TOX: variants seen among roughly 807,000 people sequenced by gnomAD.
TOX encodes the protein thymocyte selection associated high mobility group box.
TOX carries 11 observed loss-of-function variants against 53.7 expected under a neutral mutation model. That is an observed-to-expected ratio of 0.20 (90% confidence interval 0.13 to 0.34). TOX has a LOEUF of 0.34. Ranked by LOEUF, TOX falls within the 10% of genes least tolerant of loss-of-function variation. The pLI, the probability that TOX is intolerant of heterozygous loss-of-function variation, is 1.00. For missense variants in TOX, 570 were observed against 664.6 expected (o/e 0.86, Z 1.56); for synonymous variants, 225 against 245.3 (o/e 0.92, Z 0.77).
At position 58,896,674 on chromosome 8, in the gene TOX, A is replaced by AAAAATAAAATAAAAT. The variant is rs141360838; in HGVS notation, c.411+42613_411+42627dup. Among the ~76,000 whole-genome samples, 469 of 149,464 alleles carry AAAAATAAAATAAAAT rather than the reference A, an allele frequency of 3.1e-3. 1 individual carries two copies. Among genetic ancestry groups the AAAAATAAAATAAAAT allele is most frequent in the Non-Finnish European group, 5.0e-3 (336 of 67,392 alleles). On this transcript the variant is annotated intron_variant, in intron 3 of 8. Transcript: ENST00000361421. ...TGGTGACAGAGCGAGAATCCATCTC[A>AAAAATAAAATAAAAT]AAAATAAAATAAAATAAAATAAAAT...
chr8:58,812,083 G>C (rs1231130867), intron 7 of TOX, among the ~76,000 whole-genome samples: 1 of 152,128 alleles, frequency 6.6e-6, no homozygotes, highest in Non-Finnish European at 1.5e-5. Context: ...AACATCTTCA[G>C]CATAAAGGTG....
chr8:59,041,976 C>T (rs909577899), intron 1 of TOX, among the ~76,000 whole-genome samples: 14 of 152,100 alleles, frequency 9.2e-5, no homozygotes, highest in African/African-American at 3.1e-4. Flanking sequence ...CCATAGAATT[C>T]CTTAAAATAT....
At position 58,965,894 on chromosome 8, in the gene TOX, GTTTTTT is replaced by G. The variant is rs67045037; in HGVS notation, c.103-5892_103-5887del. ...GCCCAGTATAAGATTACGAGTCATCGTTTTTTTTTTTTTTTTTTTTTTTTTTTTTTT... is the reference window on the plus strand; with the variant it reads ...GCCCAGTATAAGATTACGAGTCATCGTTTTTTTTTTTTTTTTTTTTTTTTT... On this transcript the variant is annotated intron_variant, in intron 1 of 8. Coordinates refer to ENST00000361421, the MANE Select transcript of TOX (RefSeq NM_014729.3). Among the ~76,000 whole-genome samples the G allele has an allele frequency of 4.0e-3, 198 of 49,572 alleles. 1 individual carries two copies. In the East Asian group the frequency reaches 0.09, roughly 23 times the overall value. The allele number at this position is 49,572 out of a possible 152,430, so 32.5% of individuals were successfully genotyped here.
chr8:58,934,421 G>T (rs1287429571), intron 3 of TOX, among the ~76,000 whole-genome samples: 1 of 152,112 alleles, frequency 6.6e-6, no homozygotes, highest in African/African-American at 2.4e-5. Flanking sequence ...TCAGAAAGAG[G>T]TTCCCATTGA....
rs1168521980 is a variant in TOX at position 58,808,109 on chromosome 8, GC to G, written c.1544+8del. ...GTCCACCACCAGGTGGCGATGACCGGCCGCTTACCCACTACTGCAGTAGTCG... is the reference window on the plus strand; with the variant it reads ...GTCCACCACCAGGTGGCGATGACCGGCGCTTACCCACTACTGCAGTAGTCG... On this transcript the variant is annotated splice_region_variant and intron_variant, in intron 8 of 8. Transcript: ENST00000361421. The G allele has an allele frequency of 6.2e-7, 1 of 1,605,774 alleles. No homozygotes were observed. The highest frequency in any genetic ancestry group is 1.7e-5 in the Admixed American group (1 of 58,556).
chr8:58,991,045 A>T (rs1019128070), intron 1 of TOX, among the ~76,000 whole-genome samples: 9 of 152,144 alleles, frequency 5.9e-5, no homozygotes, highest in African/African-American at 2.2e-4. Flanking sequence ...AGAATAATAT[A>T]TTTTACAGAT....
In TOX at chr8:58,851,465, G is replaced by C; in HGVS notation, c.693+59C>G. The C allele has an allele frequency of 6.3e-7, 1 of 1,578,910 alleles. No individual in the cohort carries two copies. Among genetic ancestry groups the C allele is most frequent in the African/African-American group, 1.3e-5 (1 of 74,218 alleles). ...ATGATATAAACTTGTACCCAGCACA[G>C]GTCAAAGAAGGTGCCTAAGAATAGT... is the stretch of plus-strand genomic sequence containing the variant. On this transcript the variant is annotated intron_variant, in intron 4 of 8. Coordinates refer to ENST00000361421, the MANE Select transcript of TOX (RefSeq NM_014729.3). The surrounding 1 kb of genome is among the most constrained non-coding windows in gnomAD (Gnocchi z 4.4).
At chr8:59,049,275 C>T (rs1803745602) in intron 1 of TOX, among the ~76,000 whole-genome samples, 2 of 152,156 alleles carry the variant, frequency 1.3e-5, no homozygotes, top group Non-Finnish European at 2.9e-5. Flanking sequence ...CACTTGGCAA[C>T]TATGTGGTCA....
intron 3 of TOX, among the ~76,000 whole-genome samples, chr8:58,920,749 G>GAAGA (rs1563389440): frequency 2.7e-5 from 3 of 110,868 alleles, no homozygotes; most frequent in Non-Finnish European, 5.5e-5. Flanking sequence ...AAAAAAAGAA[G>GAAGA]AAAAAAAAAA....
chr8:59,104,112 G>A lies in TOX; in HGVS notation c.102+14774C>T, dbSNP rs562205053. Among the ~76,000 whole-genome samples, 20 of 152,146 alleles carry A rather than the reference G, an allele frequency of 1.3e-4. No homozygotes were observed. The South Asian group carries it at 4.0e-3, about 30-fold the overall frequency. ...GTCATTCATTTCAACATGTGAGTCC[G>A]CCCAGGGAAGTCCTCTCTGGCACAT... On this transcript the variant is annotated intron_variant, in intron 1 of 8. Transcript: ENST00000361421.
At chr8:58,999,355 A>T (rs1813646828) in intron 1 of TOX, among the ~76,000 whole-genome samples, 1 of 152,072 alleles carries the variant, frequency 6.6e-6, no homozygotes, top group African/African-American at 2.4e-5. Context: ...TTAAAGCACT[A>T]TGACCTGAAA....
chr8:58,873,103 C>A (rs1811224955), intron 3 of TOX, among the ~76,000 whole-genome samples: 1 of 151,984 alleles, frequency 6.6e-6, no homozygotes, highest in African/African-American at 2.4e-5. Context: ...ATATTAGTTC[C>A]CCAAATAATG....
At chr8:58,948,736 C>T (rs899493386) in intron 2 of TOX, among the ~76,000 whole-genome samples, 3 of 151,980 alleles carry the variant, frequency 2.0e-5, no homozygotes, top group Non-Finnish European at 2.9e-5. Context: ...TAGACTTTTT[C>T]AATTCTCATA....
At chr8:58,873,429 G>C (rs1811229286) in intron 3 of TOX, among the ~76,000 whole-genome samples, 1 of 152,084 alleles carries the variant, frequency 6.6e-6, no homozygotes, top group African/African-American at 2.4e-5. Context: ...TTTCATATCT[G>C]TTGTCCGTAC....
intron 3 of TOX, among the ~76,000 whole-genome samples, chr8:58,931,075 A>G (rs1198461664): frequency 6.6e-6 from 1 of 152,224 alleles, no homozygotes; most frequent in Admixed American, 6.6e-5. Context: ...CCTTTAGGAC[A>G]TGAAATGACC....
chr8:59,007,893 C>T (rs1343384851), intron 1 of TOX, among the ~76,000 whole-genome samples: 1 of 152,170 alleles, frequency 6.6e-6, no homozygotes, highest in Non-Finnish European at 1.5e-5. Flanking sequence ...CCAATGATGG[C>T]ACTGATAACC....
chr8:58,910,387 A>C (rs1380214684), intron 3 of TOX, among the ~76,000 whole-genome samples: 1 of 152,156 alleles, frequency 6.6e-6, no homozygotes, highest in Non-Finnish European at 1.5e-5. Context: ...GAATGTAAAA[A>C]CTTTGGGAAC....
chr8:58,909,495 A>G (rs1439885736), intron 3 of TOX, among the ~76,000 whole-genome samples: 1 of 152,136 alleles, frequency 6.6e-6, no homozygotes, highest in African/African-American at 2.4e-5. Flanking sequence ...AAAAGCAACC[A>G]TTTACAAAAA....
intron 4 of TOX, among the ~76,000 whole-genome samples, chr8:58,848,313 G>A (rs1360757161): frequency 2.3e-4 from 35 of 151,060 alleles, no homozygotes; most frequent in Admixed American, 2.3e-3. Context: ...AAGAAGATGA[G>A]GAAAAAAAAG....
Sources: gnomAD v4.1 joint callset for allele counts (sites outside exome capture counted in the v4.1 genomes callset) on GRCh38, gnomAD v4.1.1 for gene constraint, Gnocchi (gnomAD v3.1) non-coding constraint, MANE v1.5 for transcripts, NCBI Gene and HGNC (gene_info 2026-07-23, HGNC 2026-07-21) for gene names.